Variants in COL23A1 observed in about 807,000 individuals in gnomAD.
COL23A1 encodes collagen alpha-1(XXIII) chain.
A neutral mutation model predicts 99.3 loss-of-function variants in COL23A1; 97 were observed. The observed-to-expected ratio is 0.98, with a 90% confidence interval of 0.83 to 1.16. COL23A1 has a LOEUF of 1.16. Ranked by LOEUF, COL23A1 falls within the 50% of genes most tolerant of loss-of-function variation. The pLI is 0.00. For synonymous variants in COL23A1, 320 were observed against 308.2 expected, an observed-to-expected ratio of 1.04 and a Z score of -0.40; for missense variants, 762 against 757.4, an observed-to-expected ratio of 1.01 and a Z score of -0.07.
intron 2 of COL23A1, among the ~76,000 whole-genome samples, chr5:178,341,698 C>G (rs116289263): frequency 0.022 from 3,416 of 152,210 alleles, 128 homozygotes; most frequent in African/African-American, 0.077. Context: ...TGCTGGCAGA[C>G]CTGGGCCTCT....
intron 22 of COL23A1, among the ~76,000 whole-genome samples, chr5:178,246,950 G>A (rs1764732574): frequency 1.3e-5 from 2 of 152,214 alleles, no homozygotes. Context: ...TCTGGCCTCT[G>A]AGCTGGGGAA....
chr5:178,245,522 TCCACTCATCCATCAC>T, intron 25 of COL23A1, among the ~76,000 whole-genome samples: 1 of 141,016 alleles, frequency 7.1e-6, no homozygotes, highest in Non-Finnish European at 1.5e-5. Context: ...CCACCCATCA[TCCACTCATCCATCAC>T]CCATCCATCC....
chr5:178,247,802 A>T lies in COL23A1; in HGVS notation c.1242T>A (p.Pro414=). The T allele has an allele frequency of 6.2e-7, 1 of 1,613,454 alleles. No individual in the cohort carries two copies. The highest frequency in any genetic ancestry group is 1.7e-5 in the Admixed American group (1 of 59,978). The change falls in exon 21 of 29, where the codon CCT becomes CCA. Residue 414 remains proline (P), a synonymous_variant. Transcript: ENST00000390654. ...LAQLIVEPGP[P]GPPGPPGPMG... ...TCGGGCCTGGGGGGCCAGGGGGGCC[A>T]GGGGGCCCTGGCTCCACTATGAGCT... is the stretch of plus-strand genomic sequence containing the variant.
chr5:178,584,658 C>T (rs1178215640), intron 1 of COL23A1, among the ~76,000 whole-genome samples: 1 of 152,148 alleles, frequency 6.6e-6, no homozygotes, highest in Non-Finnish European at 1.5e-5. Flanking sequence ...ATGACTGTAA[C>T]TGCACCTGCT....
rs56062808 is a variant in COL23A1, at chr5:178,384,488, C to G, written c.362-77569G>C. ...CACCCCTCCCTCGGCTTTTTGGAGG[C>G]CACGTGGACGGCGCTGAGTGCATCC... On this transcript the variant is annotated intron_variant, in intron 2 of 28. Coordinates refer to ENST00000390654, the MANE Select transcript of COL23A1 (RefSeq NM_173465.4). The surrounding 1 kb of genome is among the most constrained non-coding windows in gnomAD (Gnocchi z 5.5). Among the ~76,000 whole-genome samples the G allele has an allele frequency of 0.13, 20,354 of 152,114 alleles. 1,681 individuals carry two copies. Among genetic ancestry groups the G allele is most frequent in the South Asian group, 0.27 (1,281 of 4,824 alleles).
At chr5:178,552,018 C>T (rs1460961978) in intron 2 of COL23A1, among the ~76,000 whole-genome samples, 1 of 152,132 alleles carries the variant, frequency 6.6e-6, no homozygotes, top group Admixed American at 6.5e-5. Flanking sequence ...CATCCCCCAT[C>T]CCAGGTGGCT....
chr5:178,523,157 T>TATATATATATATA (rs1554189012), intron 2 of COL23A1, among the ~76,000 whole-genome samples: 6 of 76,078 alleles, frequency 7.9e-5, no homozygotes, highest in African/African-American at 2.2e-4. Context: ...TATATATATA[T>TATATATATATATA]ATATACATAT....
intron 8 of COL23A1, among the ~76,000 whole-genome samples, chr5:178,264,088 A>G (rs1000293084): frequency 2.0e-5 from 3 of 152,196 alleles, no homozygotes; most frequent in Admixed American, 2.0e-4. Flanking sequence ...ACAAAAGAAC[A>G]GCATGAGGGA....
chr5:178,308,420 G>A lies in COL23A1; in HGVS notation c.362-1501C>T, dbSNP rs1039217081. On this transcript the variant is annotated intron_variant, in intron 2 of 28. Transcript: ENST00000390654. This position sits in a 1 kb window ranked among gnomAD's most constrained non-coding sequence, Gnocchi z 5.1. ...TTTAAGGGCAAAAGTGCATGCCAGG[G>A]ACGTAGCCCTTGGTTTTCTCCCATC... Among the ~76,000 whole-genome samples the A allele has an allele frequency of 3.3e-5, 5 of 152,098 alleles. No homozygotes were observed. The highest frequency in any genetic ancestry group is 1.2e-4 in the African/African-American group (5 of 41,418).
chr5:178,542,312 T>C (rs534598303), intron 2 of COL23A1, among the ~76,000 whole-genome samples: 8 of 152,182 alleles, frequency 5.3e-5, no homozygotes, highest in African/African-American at 1.4e-4. Context: ...ATTACAAAAG[T>C]GAGCCACCGT....
chr5:178,246,367 A>C, intron 23 of COL23A1, 24 bp downstream of exon 23: 1 of 1,570,342 alleles, frequency 6.4e-7, no homozygotes, highest in Non-Finnish European at 8.6e-7. Flanking sequence ...CACCTTTGGG[A>C]CAAACAACGC....
chr5:178,590,159 C>T lies in COL23A1; in HGVS notation c.39G>A (p.Ala13=). The T allele has an allele frequency of 8.2e-7, 1 of 1,225,050 alleles. No homozygotes were observed. Among genetic ancestry groups the T allele is most frequent in the Non-Finnish European group, 1.0e-6 (1 of 987,974 alleles). 75.9% of individuals were successfully genotyped at this position (1,225,050 alleles called of 1,614,324 possible). A position where few individuals can be genotyped will look rare whatever the true frequency, so the allele number is the denominator to read the frequency against. Residue 13 remains alanine (A), a synonymous_variant, in exon 1 of 29, where the codon GCG becomes GCA. Coordinates refer to ENST00000390654, the MANE Select transcript of COL23A1 (RefSeq NM_173465.4). The surrounding 1 kb of genome is among the most constrained non-coding windows in gnomAD (Gnocchi z 5.7). ...CGCCGCCCGCCGCATTGCCCTTCCCCGCGTCGCCGCCGCCACCGGCGCGCT... is the reference window on the plus strand; with the variant it reads ...CGCCGCCCGCCGCATTGCCCTTCCCTGCGTCGCCGCCGCCACCGGCGCGCT... ...PGERAGGGGD[A]GKGNAAGGGG...
chr5:178,283,773 T>TGAC (rs1757020016), intron 5 of COL23A1, among the ~76,000 whole-genome samples: 1 of 152,180 alleles, frequency 6.6e-6, no homozygotes, highest in African/African-American at 2.4e-5. Context: ...CCTGCATGAG[T>TGAC]GACAGGTGGT....
chr5:178,255,992 A>C lies in COL23A1; in HGVS notation c.882+361T>G. On this transcript the variant is annotated intron_variant, in intron 15 of 28. Transcript: ENST00000390654. This position sits in a 1 kb window ranked among gnomAD's most constrained non-coding sequence, Gnocchi z 4.2. ...GGACAAACCTCCCTGTGGGGTGGGG[A>C]AAAGGCAAGGCCTGGCCCACTGTGG... The C allele has an allele frequency of 4.3e-6, 1 of 234,452 alleles. No individual in the cohort carries two copies. The highest frequency in any genetic ancestry group is 8.8e-6 in the Non-Finnish European group (1 of 113,456). The allele number at this position is 234,452 out of a possible 1,614,324, so 14.5% of individuals were successfully genotyped here.
chr5:178,310,729 G>C lies in COL23A1; in HGVS notation c.362-3810C>G, dbSNP rs1320843166. On this transcript the variant is annotated intron_variant, in intron 2 of 28. Coordinates refer to ENST00000390654, the MANE Select transcript of COL23A1 (RefSeq NM_173465.4). This position sits in a 1 kb window ranked among gnomAD's most constrained non-coding sequence, Gnocchi z 4.3. ...GGCATCTGGGCCTGGTGTGGAGCAGGTTGCCCCGGCCCCTGGGAGAGCAGG... is the reference window on the plus strand; with the variant it reads ...GGCATCTGGGCCTGGTGTGGAGCAGCTTGCCCCGGCCCCTGGGAGAGCAGG... Among the ~76,000 whole-genome samples the C allele has an allele frequency of 6.6e-6, 1 of 152,066 alleles. No homozygotes were observed. The highest frequency in any genetic ancestry group is 1.5e-5 in the Non-Finnish European group (1 of 68,018).
At chr5:178,454,627 T>C (rs1767667478) in intron 2 of COL23A1, among the ~76,000 whole-genome samples, 1 of 152,134 alleles carries the variant, frequency 6.6e-6, no homozygotes, top group Admixed American at 6.5e-5. Flanking sequence ...AAGAGCAGGC[T>C]CCCAGCAGTG....
chr5:178,288,917 T>C (rs2913831), intron 4 of COL23A1, among the ~76,000 whole-genome samples: 116,470 of 152,144 alleles, frequency 0.77, 45,555 homozygotes, highest in Non-Finnish European at 0.87. Flanking sequence ...CCTTCCAGGT[T>C]GCAGCTTGAG....
At chr5:178,426,735 T>A (rs907854940) in intron 2 of COL23A1, among the ~76,000 whole-genome samples, 1 of 152,222 alleles carries the variant, frequency 6.6e-6, no homozygotes, top group East Asian at 1.9e-4. Flanking sequence ...AAAGGACTGT[T>A]ATCCAAAGTA....
chr5:178,500,447 T>A (rs2647694), intron 2 of COL23A1, among the ~76,000 whole-genome samples: 52,634 of 105,850 alleles, frequency 0.5, 12,527 homozygotes, highest in Admixed American at 0.59. Context: ...AAAAAAAAAA[T>A]GGTTTTAATT....
Sources: allele counts gnomAD v4.1 joint callset (sites outside exome capture counted in the v4.1 genomes callset), GRCh38; gene constraint gnomAD v4.1.1; non-coding constraint Gnocchi (gnomAD v3.1); transcripts MANE v1.5; gene names NCBI Gene and HGNC (gene_info 2026-07-23, HGNC 2026-07-21).